Variants in OGFOD1 observed in about 807,000 individuals in gnomAD.
OGFOD1 encodes 2-oxoglutarate and iron dependent oxygenase domain containing 1.
OGFOD1 carries 54 observed loss-of-function variants against 67.7 expected under a neutral mutation model. The ratio of observed to expected loss-of-function variants is 0.80; its 90% CI spans 0.64 to 1.00. The LOEUF (loss-of-function observed/expected upper bound fraction) is 1.00, where lower values mean the gene tolerates loss of function less well. Among genes scored for constraint, OGFOD1 ranks in the 50% least tolerant of loss-of-function variants. The probability of loss-of-function intolerance (pLI) is 0.00; values close to 1 mark genes in which losing one functional copy is unlikely to be tolerated. For synonymous variants in OGFOD1, 221 were observed against 227.0 expected (o/e 0.97, Z 0.24); for missense variants, 606 against 646.7 (o/e 0.94, Z 0.68).
At chr16:56,468,331 T>G (rs919542847) in intron 8 of OGFOD1, among the ~76,000 whole-genome samples, 1 of 152,174 alleles carries the variant, frequency 6.6e-6, no homozygotes, top group Non-Finnish European at 1.5e-5. Flanking sequence ...ATATGGTGCT[T>G]CTTATTACTT....
chr16:56,454,683 G>T lies in OGFOD1; in HGVS notation c.300+1275G>T, dbSNP rs1962463808. 3 of 367,054 alleles carry T rather than the reference G, an allele frequency of 8.2e-6. No homozygotes were observed. The Admixed American group carries it at 1.1e-4, about 14-fold the overall frequency. 22.7% of individuals were successfully genotyped at this position (367,054 alleles called of 1,614,324 possible). ...AAAAAAGAAAGATTAAAAAGATGAA[G>T]AATAATTTTTTTTTTTGCATTTTCC... On this transcript the variant is annotated intron_variant, in intron 2 of 12. Coordinates refer to ENST00000566157, the MANE Select transcript of OGFOD1 (RefSeq NM_018233.4).
chr16:56,469,928 G>C (rs1289239846), intron 8 of OGFOD1, 75 bp from the exon 9 acceptor site: 17 of 1,171,178 alleles, frequency 1.5e-5, no homozygotes, highest in Non-Finnish European at 2.2e-5. Context: ...GTTTGGCAGA[G>C]CTGCTGTACC....
intron 2 of OGFOD1, among the ~76,000 whole-genome samples, chr16:56,456,541 C>T (rs1331876913): frequency 6.6e-6 from 1 of 152,160 alleles, no homozygotes; most frequent in Non-Finnish European, 1.5e-5. Flanking sequence ...CTTGATTCCT[C>T]TCTCACCTTA....
At position 56,467,237 on chromosome 16, in the gene OGFOD1, C is replaced by T. The variant is rs745938796; in HGVS notation, c.730C>T (p.Arg244Trp). 3.5e-5 allele frequency: 56 copies of T among 1,613,970 alleles called. No homozygotes were observed. Among genetic ancestry groups the T allele is most frequent in the African/African-American group, 6.7e-5 (5 of 74,882 alleles). Residue 244 changes from arginine to tryptophan, a missense_variant, in exon 7 of 13, where the codon CGG (arginine) becomes TGG (tryptophan). Physicochemically the swap from Arg to Trp is moderately radical, Grantham distance 101. Transcript: ENST00000566157. ...CTGGTTTCATGGTCCATCATTGACT[C>T]GGCCTCCCAACTACTTTGAACCCCC... ...SGWFHGPSLTRPPNYFEPPIP... is the reference protein window; with the variant it reads ...SGWFHGPSLTWPPNYFEPPIP...
At chr16:56,471,638 T>C (rs1180337087) in intron 10 of OGFOD1, among the ~76,000 whole-genome samples, 1 of 152,142 alleles carries the variant, frequency 6.6e-6, no homozygotes, top group Admixed American at 6.5e-5. Context: ...CCTGTGCAGT[T>C]AGGAGAGCAG....
rs186281411 is a variant in OGFOD1, at chr16:56,475,604, T to C, written c.1467+39T>C. The stretch of plus-strand genomic sequence containing the variant: ...GATAGCAAACTATCATTTTTAGTTA[T>C]TGAGAATGCTTTCATTTTTCAAAGA... On this transcript the variant is annotated intron_variant, in intron 12 of 12. Coordinates refer to ENST00000566157, the MANE Select transcript of OGFOD1 (RefSeq NM_018233.4). 429 of 1,576,306 alleles carry C rather than the reference T, an allele frequency of 2.7e-4. 3 individuals carry two copies. In the African/African-American group the frequency reaches 4.7e-3, roughly 17 times the overall value.
intron 2 of OGFOD1, among the ~76,000 whole-genome samples, chr16:56,457,562 A>G (rs1254573803): frequency 1.3e-5 from 2 of 151,934 alleles, no homozygotes; most frequent in South Asian, 2.1e-4. Context: ...TGTTATGTGG[A>G]TATTATCTTA....
At chr16:56,467,107 C>T in intron 6 of OGFOD1, 58 bp from the exon 7 acceptor site, 1 of 1,608,822 alleles carries the variant, frequency 6.2e-7, no homozygotes, top group East Asian at 2.2e-5. Context: ...AATTAATGTG[C>T]ATTGGCGGTA....
chr16:56,454,125 A>C (rs546174824), intron 2 of OGFOD1, among the ~76,000 whole-genome samples: 14 of 152,182 alleles, frequency 9.2e-5, no homozygotes, highest in Non-Finnish European at 2.1e-4. Flanking sequence ...AGGCGGGTAG[A>C]TCGCCTGAGG....
intron 2 of OGFOD1, 48 bp from the exon 3 acceptor site, chr16:56,458,500 C>T: frequency 6.5e-7 from 1 of 1,540,288 alleles, no homozygotes; most frequent in Non-Finnish European, 9.0e-7. Context: ...CTTTGTGTGT[C>T]TCTTATGTGA....
Position 56,474,845 on chromosome 16 carries a change from T to G in OGFOD1, c.1303T>G (p.Cys435Gly), listed in dbSNP as rs142574623. 12 of 1,612,200 alleles carry G rather than the reference T, an allele frequency of 7.4e-6. No homozygotes were observed. Among genetic ancestry groups the G allele is most frequent in the African/African-American group, 2.7e-5 (2 of 74,796 alleles). ...TTCCTTAGAATCAAGTGTTCCCATG[T>G]GCCAAGGGGAACTGAGGCATTGGAA... ...ETKKESSVPM[C>G]QGELRHWKTG... is the part of the protein sequence containing the mutation. The change falls in exon 11 of 13, where the codon TGC becomes GGC. Residue 435 changes from cysteine to glycine, a missense_variant. Cys to Gly is a radical substitution (Grantham distance 159, BLOSUM62 -3). Transcript: ENST00000566157.
At chr16:56,454,241 G>C (rs1223524459) in intron 2 of OGFOD1, among the ~76,000 whole-genome samples, 1 of 152,118 alleles carries the variant, frequency 6.6e-6, no homozygotes, top group East Asian at 1.9e-4. Context: ...CCAGCTACTT[G>C]GGAGGCTGAG....
chr16:56,466,053 A>T (rs1962885153), intron 4 of OGFOD1, 99 bp from the exon 5 acceptor site: 1 of 792,058 alleles, frequency 1.3e-6, no homozygotes, highest in Non-Finnish European at 2.2e-6. Flanking sequence ...TGGAGCTGAC[A>T]TTACAGTTGA....
chr16:56,455,512 C>A (rs1438384579), intron 2 of OGFOD1, among the ~76,000 whole-genome samples: 1 of 151,778 alleles, frequency 6.6e-6, no homozygotes, highest in African/African-American at 2.4e-5. Flanking sequence ...TACTGTTGAT[C>A]CCTTTTGGAC....
At chr16:56,472,963 G>GCT (rs1156585436) in intron 10 of OGFOD1, among the ~76,000 whole-genome samples, 1 of 152,074 alleles carries the variant, frequency 6.6e-6, no homozygotes, top group African/African-American at 2.4e-5. Flanking sequence ...ACAGAGTCTC[G>GCT]CTCTGTTGCC....
chr16:56,454,656 A>T (rs1372721834), intron 2 of OGFOD1: 1 of 341,554 alleles, frequency 2.9e-6, no homozygotes, highest in African/African-American at 2.3e-5. Flanking sequence ...GGGGGGGGAA[A>T]AAAAAAAGAA....
intron 10 of OGFOD1, among the ~76,000 whole-genome samples, chr16:56,472,033 CT>C (rs1249788096): frequency 6.6e-6 from 1 of 152,168 alleles, no homozygotes; most frequent in Non-Finnish European, 1.5e-5. Flanking sequence ...GCAATCACAG[CT>C]CACTGCAGCC....
At chr16:56,472,088 A>G (rs1342671010) in intron 10 of OGFOD1, among the ~76,000 whole-genome samples, 1 of 151,852 alleles carries the variant, frequency 6.6e-6, no homozygotes, top group Non-Finnish European at 1.5e-5. Flanking sequence ...CAGTATCCCA[A>G]GTAGCTGGGA....
At chr16:56,460,419 AT>A in intron 3 of OGFOD1, among the ~76,000 whole-genome samples, 1 of 152,256 alleles carries the variant, frequency 6.6e-6, no homozygotes, top group African/African-American at 2.4e-5. Flanking sequence ...GTGAAAGCTA[AT>A]GTTACCAGTA....
Sources: allele counts gnomAD v4.1 joint callset (sites outside exome capture counted in the v4.1 genomes callset), GRCh38; gene constraint gnomAD v4.1.1; transcripts MANE v1.5; gene names NCBI Gene and HGNC (gene_info 2026-07-23, HGNC 2026-07-21).